GALNT2: variants seen among roughly 807,000 people sequenced by gnomAD.
GALNT2 encodes the protein UDP-GalNAc:polypeptide N-acetylgalactosaminyltransferase 2.
A neutral mutation model predicts 81.4 loss-of-function variants in GALNT2; 31 were observed. The ratio of observed to expected loss-of-function variants is 0.38; its 90% confidence interval spans 0.29 to 0.51. The LOEUF is 0.51. Among genes scored for constraint, GALNT2 ranks in the 20% least tolerant of loss-of-function variants. GALNT2 has a pLI of 0.87. For synonymous variants in GALNT2, 303 were observed against 287.4 expected (o/e 1.05, Z -0.55); for missense variants, 629 against 765.7 (o/e 0.82, Z 2.11).
intron 10 of GALNT2, among the ~76,000 whole-genome samples, chr1:230,251,101 CA>C (rs1665532909): frequency 6.6e-6 from 1 of 152,150 alleles, no homozygotes; most frequent in Non-Finnish European, 1.5e-5. Flanking sequence ...GGTTTAGGCA[CA>C]GCAAAATTTT....
chr1:230,100,782 T>C (rs1187611096), intron 1 of GALNT2, among the ~76,000 whole-genome samples: 2 of 152,326 alleles, frequency 1.3e-5, no homozygotes, highest in Non-Finnish European at 1.5e-5. Flanking sequence ...CCAAAGTCGA[T>C]GTGTGTATAT....
At position 230,265,271 on chromosome 1, in the gene GALNT2, G is replaced by A; in HGVS notation, c.1344G>A (p.Gly448=). ...RVPDHQDIAF[G]ALQQGTNCLD... The stretch of plus-strand genomic sequence containing the variant: ...CAGACCATCAGGATATAGCTTTTGG[G>A]GCCTTGCAGCAGGGAACTAACTGCC... Residue 448 remains glycine, a synonymous_variant, in exon 14 of 16, where the codon GGG becomes GGA. Coordinates refer to ENST00000366672, the MANE Select transcript of GALNT2 (RefSeq NM_004481.5). The A allele has an allele frequency of 1.9e-6, 3 of 1,614,198 alleles. No individual in the cohort carries two copies. Among genetic ancestry groups the A allele is most frequent in the Non-Finnish European group, 2.5e-6 (3 of 1,180,050 alleles).
chr1:230,076,888 G>T (rs1468080875), intron 1 of GALNT2, among the ~76,000 whole-genome samples: 1 of 152,142 alleles, frequency 6.6e-6, no homozygotes, highest in Non-Finnish European at 1.5e-5. Flanking sequence ...GGCCATCAAG[G>T]TTTCTTCCTC....
chr1:230,079,155 T>C (rs1044463331), intron 1 of GALNT2, among the ~76,000 whole-genome samples: 1 of 152,374 alleles, frequency 6.6e-6, no homozygotes, highest in Non-Finnish European at 1.5e-5. Context: ...GTGTTAGTCC[T>C]TTTGGTTCTC....
At chr1:230,091,945 A>G (rs988691555) in intron 1 of GALNT2, 6 of 152,188 alleles carry the variant, frequency 3.9e-5, no homozygotes, top group Non-Finnish European at 5.9e-5. Context: ...CTTCCCTGAT[A>G]TCTAGAATTT....
rs540489660 is a variant in GALNT2 at position 230,122,899 on chromosome 1, G to A, written c.127-55319G>A. On this transcript the variant is annotated intron_variant, in intron 1 of 15. Transcript: ENST00000366672. ...TCTCTGTGCAGGGTTGTGGCCTGTC[G>A]TCTCTTGATTGGCAGTTGAAGTGTC... Among the ~76,000 whole-genome samples, 12 of 152,224 alleles carry A rather than the reference G, an allele frequency of 7.9e-5. No homozygotes were observed. The East Asian group carries it at 1.7e-3, about 22-fold the overall frequency.
intron 1 of GALNT2, among the ~76,000 whole-genome samples, chr1:230,068,188 C>A (rs1659261352): frequency 6.6e-6 from 1 of 152,262 alleles, no homozygotes; most frequent in Non-Finnish European, 1.5e-5. Flanking sequence ...TAACATGCTC[C>A]AGGGGCCGAG....
intron 2 of GALNT2, among the ~76,000 whole-genome samples, chr1:230,189,898 G>C (rs1333875833): frequency 6.6e-6 from 1 of 152,166 alleles, no homozygotes; most frequent in African/African-American, 2.4e-5. Context: ...TACAGTACTT[G>C]TCCTTTATTT....
chr1:230,091,059 TTTTG>T (rs201061037), intron 1 of GALNT2, among the ~76,000 whole-genome samples: 1 of 144,112 alleles, frequency 6.9e-6, no homozygotes, highest in South Asian at 2.4e-4. Flanking sequence ...AGACCTTTTC[TTTTG>T]TTTGTTTCTT....
At chr1:230,221,527 CT>C (rs1012023577) in intron 3 of GALNT2, among the ~76,000 whole-genome samples, 1 of 152,202 alleles carries the variant, frequency 6.6e-6, no homozygotes, top group African/African-American at 2.4e-5. Context: ...TGCCTGCCTT[CT>C]TTTCCTCCTC....
chr1:230,161,316 C>A (rs1182772653), intron 1 of GALNT2, among the ~76,000 whole-genome samples: 1 of 152,196 alleles, frequency 6.6e-6, no homozygotes, highest in Non-Finnish European at 1.5e-5. Flanking sequence ...CTTCCTTACA[C>A]CATGGTGGTC....
intron 2 of GALNT2, among the ~76,000 whole-genome samples, chr1:230,199,987 A>G (rs1488784118): frequency 6.6e-6 from 1 of 151,294 alleles, no homozygotes; most frequent in Non-Finnish European, 1.5e-5. Flanking sequence ...TAGATGCTTC[A>G]TTCTTCACCC....
intron 3 of GALNT2, among the ~76,000 whole-genome samples, chr1:230,233,271 TG>T (rs1156776967): frequency 6.6e-6 from 1 of 152,206 alleles, no homozygotes; most frequent in African/African-American, 2.4e-5. Flanking sequence ...TCTCTAATTT[TG>T]GGGGCAGATA....
intron 11 of GALNT2, among the ~76,000 whole-genome samples, chr1:230,258,540 A>G (rs1373104823): frequency 6.6e-6 from 1 of 152,170 alleles, no homozygotes; most frequent in Non-Finnish European, 1.5e-5. Flanking sequence ...TAAACTTCTT[A>G]AAAGTACAGA....
chr1:230,209,281 A>G (rs958909294), intron 3 of GALNT2, among the ~76,000 whole-genome samples: 1 of 151,992 alleles, frequency 6.6e-6, no homozygotes, highest in African/African-American at 2.4e-5. Flanking sequence ...GAAGTCCCAA[A>G]CCCCAGAGTG....
At chr1:230,149,966 T>G (rs1167569713) in intron 1 of GALNT2, among the ~76,000 whole-genome samples, 1 of 152,210 alleles carries the variant, frequency 6.6e-6, no homozygotes, top group Non-Finnish European at 1.5e-5. Flanking sequence ...TTCTCACTCT[T>G]GATTTAATTC....
intron 1 of GALNT2, among the ~76,000 whole-genome samples, chr1:230,135,188 T>G (rs1661496717): frequency 6.6e-6 from 1 of 151,862 alleles, no homozygotes; most frequent in Non-Finnish European, 1.5e-5. Context: ...TGGTGTTTGG[T>G]CCTGACTCTC....
At chr1:230,180,787 G>C (rs796387692) in intron 2 of GALNT2, among the ~76,000 whole-genome samples, 4 of 152,196 alleles carry the variant, frequency 2.6e-5, no homozygotes, top group African/African-American at 9.6e-5. Flanking sequence ...CCTTTTATCA[G>C]AATTTTGTAG....
chr1:230,243,182 G>C lies in GALNT2; in HGVS notation c.608-124G>C. The C allele has an allele frequency of 7.8e-7, 1 of 1,289,968 alleles. No homozygotes were observed. The highest frequency in any genetic ancestry group is 1.0e-6 in the Non-Finnish European group (1 of 959,272). The allele number at this position is 1,289,968 out of a possible 1,614,324, so 79.9% of individuals were successfully genotyped here. A position where few individuals can be genotyped will look rare whatever the true frequency, so the allele number is the denominator to read the frequency against. ...TTTGATCTCATCCAGCAAGTTTACA[G>C]TAATGTCCGTGCCCAGAAAGCAGGC... On this transcript the variant is annotated intron_variant, in intron 6 of 15. Coordinates refer to ENST00000366672, the MANE Select transcript of GALNT2 (RefSeq NM_004481.5). The surrounding 1 kb of genome is among the most constrained non-coding windows in gnomAD (Gnocchi z 4.2).
Sources: allele counts gnomAD v4.1 joint callset (sites outside exome capture counted in the v4.1 genomes callset), GRCh38; gene constraint gnomAD v4.1.1; non-coding constraint Gnocchi (gnomAD v3.1); transcripts MANE v1.5; gene names NCBI Gene and HGNC (gene_info 2026-07-23, HGNC 2026-07-21).